Variants in PGPEP1 observed in about 807,000 individuals in gnomAD.
PGPEP1 encodes the protein pyroglutamyl-peptidase 1.
In PGPEP1, 15 loss-of-function variants were observed where a neutral mutation model predicts 24.1. The observed-to-expected ratio is 0.62, with a 90% CI of 0.42 to 0.96. The LOEUF (loss-of-function observed/expected upper bound fraction) is 0.96, where lower values mean the gene tolerates loss of function less well. PGPEP1 is among the 40% of genes least tolerant of loss of function. The pLI, the probability that PGPEP1 is intolerant of heterozygous loss-of-function variation, is 0.00. For missense variants in PGPEP1, 242 were observed against 273.4 expected, an observed-to-expected ratio of 0.89 and a Z score of 0.81; for synonymous variants, 122 against 116.4, an observed-to-expected ratio of 1.05 and a Z score of -0.31.
At chr19:18,356,539 G>C (rs1032200845) in intron 3 of PGPEP1, among the ~76,000 whole-genome samples, 1 of 152,042 alleles carries the variant, frequency 6.6e-6, no homozygotes, top group African/African-American at 2.4e-5. Context: ...TTGAGTCTAG[G>C]AGTTTGAGAC....
intron 4 of PGPEP1, among the ~76,000 whole-genome samples, chr19:18,358,322 G>A (rs1041111321): frequency 5.7e-5 from 8 of 140,520 alleles, no homozygotes; most frequent in South Asian, 4.5e-4. Context: ...GTGCAATGGC[G>A]TGATCTCAGC....
At chr19:18,344,737 C>CT (rs1970784830) in intron 2 of PGPEP1, among the ~76,000 whole-genome samples, 1 of 152,148 alleles carries the variant, frequency 6.6e-6, no homozygotes. Flanking sequence ...TTTCTGAAGA[C>CT]TTGTGTGTCA....
At position 18,365,195 on chromosome 19, in the gene PGPEP1, G is replaced by T. The variant is rs1485566222; in HGVS notation, c.*1612G>T. 2 of 152,146 alleles carry T rather than the reference G, an allele frequency of 1.3e-5. No individual in the cohort carries two copies. Among genetic ancestry groups the T allele is most frequent in the Non-Finnish European group, 2.9e-5 (2 of 68,044 alleles). 9.4% of individuals were successfully genotyped at this position (152,146 alleles called of 1,614,324 possible). ...ATCTTGCTGCCCATTAGGGAGAGAG[G>T]ACGACCCCCACAGTGAAAGTAATTG... On this transcript the variant is annotated 3_prime_UTR_variant, in exon 5 of 5. Coordinates refer to ENST00000269919, the MANE Select transcript of PGPEP1 (RefSeq NM_017712.4).
chr19:18,364,336 A>G lies in PGPEP1; in HGVS notation c.*753A>G, dbSNP rs10854165. On this transcript the variant is annotated 3_prime_UTR_variant, in exon 5 of 5. Transcript: ENST00000269919. ...GGACTTAAGATGCCATGTCTTGGCC[A>G]GGCGCAGTGGCTCATGCCTGTAATC... The G allele has an allele frequency of 0.88, 133,383 of 151,768 alleles. 58,753 individuals are homozygous for G. The highest frequency in any genetic ancestry group is 0.95 in the East Asian group (4,871 of 5,146). 9.4% of individuals were successfully genotyped at this position (151,768 alleles called of 1,614,324 possible).
At chr19:18,342,193 G>A (rs1476122102) in intron 1 of PGPEP1, among the ~76,000 whole-genome samples, 1 of 152,174 alleles carries the variant, frequency 6.6e-6, no homozygotes, top group Admixed American at 6.6e-5. Context: ...ACAGGCATGA[G>A]CCACCGCACC....
In PGPEP1 at chr19:18,369,464, G is replaced by A. The variant is rs552880744; in HGVS notation, c.*5881G>A. On this transcript the variant is annotated 3_prime_UTR_variant, in exon 5 of 5. Coordinates refer to ENST00000269919, the MANE Select transcript of PGPEP1 (RefSeq NM_017712.4). ...CTGGCCCAAGCCATTCAGAGGTGGG[G>A]TCTGGGGCCTGGGGGTTTTGTGTCG... 2 of 152,686 alleles carry A rather than the reference G, an allele frequency of 1.3e-5. No homozygotes were observed. Among genetic ancestry groups the A allele is most frequent in the Admixed American group, 6.5e-5 (1 of 15,302 alleles). 9.5% of individuals were successfully genotyped at this position (152,686 alleles called of 1,614,324 possible). A position where few individuals can be genotyped will look rare whatever the true frequency, so the allele number is the denominator to read the frequency against.
chr19:18,359,602 C>G (rs1971285265), intron 4 of PGPEP1, among the ~76,000 whole-genome samples: 1 of 151,484 alleles, frequency 6.6e-6, no homozygotes. Context: ...CCGCCTCTGA[C>G]GTTCAAGTGA....
At chr19:18,351,341 C>T (rs1167492639) in intron 2 of PGPEP1, among the ~76,000 whole-genome samples, 1 of 151,552 alleles carries the variant, frequency 6.6e-6, no homozygotes, top group Non-Finnish European at 1.5e-5. Context: ...AGGATAAAAT[C>T]AGGCCAGGCA....
chr19:18,345,294 G>A lies in PGPEP1; in HGVS notation c.87+2383G>A, dbSNP rs1970798703. ...TGGGATTACAGGCGTGAGTCACTGCGCCCAGCCCCACTTTTCACTTTCTTC... is the reference window on the plus strand; with the variant it reads ...TGGGATTACAGGCGTGAGTCACTGCACCCAGCCCCACTTTTCACTTTCTTC... On this transcript the variant is annotated intron_variant, in intron 2 of 4. Transcript: ENST00000269919. 2.0e-5 allele frequency among the ~76,000 whole-genome samples: 3 copies of A among 152,066 alleles called. 1 individual carries two copies. Among genetic ancestry groups the A allele is most frequent in the Non-Finnish European group, 4.4e-5 (3 of 67,990 alleles).
chr19:18,344,611 C>A (rs1242746740), intron 2 of PGPEP1, among the ~76,000 whole-genome samples: 2 of 146,176 alleles, frequency 1.4e-5, no homozygotes, highest in Admixed American at 7.0e-5. Flanking sequence ...TTCTTTCCTG[C>A]CCACTTCGTG....
rs1431319347 is a variant in PGPEP1 at position 18,365,487 on chromosome 19, C to G, written c.*1904C>G. The G allele has an allele frequency of 2.0e-5, 3 of 152,232 alleles. No individual in the cohort carries two copies. Among genetic ancestry groups the G allele is most frequent in the African/African-American group, 7.2e-5 (3 of 41,408 alleles). 9.4% of individuals were successfully genotyped at this position (152,232 alleles called of 1,614,324 possible). A position where few individuals can be genotyped will look rare whatever the true frequency, so the allele number is the denominator to read the frequency against. ...CCTCCTGAGTAGCTGGGACTACAGG[C>G]ATGCACCACCACACCTGGCTAATTT... On this transcript the variant is annotated 3_prime_UTR_variant, in exon 5 of 5. Coordinates refer to ENST00000269919, the MANE Select transcript of PGPEP1 (RefSeq NM_017712.4).
intron 4 of PGPEP1, among the ~76,000 whole-genome samples, chr19:18,358,238 C>G (rs539410447): frequency 6.7e-6 from 1 of 148,962 alleles, no homozygotes; most frequent in East Asian, 2.0e-4. Context: ...TAGGACTCAT[C>G]CTAATCCAGT....
intron 2 of PGPEP1, among the ~76,000 whole-genome samples, chr19:18,353,917 T>C (rs936093227): frequency 1.3e-5 from 2 of 152,202 alleles, no homozygotes; most frequent in African/African-American, 2.4e-5. Context: ...TTCTACCTTT[T>C]GGCTTTTGTG....
At chr19:18,354,186 G>T (rs567030418) in intron 2 of PGPEP1, among the ~76,000 whole-genome samples, 1 of 152,168 alleles carries the variant, frequency 6.6e-6, no homozygotes, top group Non-Finnish European at 1.5e-5. Context: ...AGTGAACCGA[G>T]ATCATAGCAC....
chr19:18,340,616 T>A lies in PGPEP1; in HGVS notation c.-66T>A, dbSNP rs903049479. On this transcript the variant is annotated 5_prime_UTR_variant, in exon 1 of 5. Coordinates refer to ENST00000269919, the MANE Select transcript of PGPEP1 (RefSeq NM_017712.4). The stretch of plus-strand genomic sequence containing the variant: ...GCGTGGCCTCGCGCGGCCGAGAGGC[T>A]GCAGCGGCAGCAGCTGTCGCGCCAG... The A allele has an allele frequency of 1.4e-6, 2 of 1,451,256 alleles. No homozygotes were observed. Among genetic ancestry groups the A allele is most frequent in the African/African-American group, 2.9e-5 (2 of 67,932 alleles). The allele number at this position is 1,451,256 out of a possible 1,614,324, so 89.9% of individuals were successfully genotyped here. A position where few individuals can be genotyped will look rare whatever the true frequency, so the allele number is the denominator to read the frequency against.
chr19:18,367,297 G>C lies in PGPEP1; in HGVS notation c.*3714G>C, dbSNP rs139238942. ...AGGTGGGTGGGACTTGGCAGGTGTT[G>C]GGAAGAGGAATAGGGGTGGCAAGTG... On this transcript the variant is annotated 3_prime_UTR_variant, in exon 5 of 5. Transcript: ENST00000269919. The C allele has an allele frequency of 6.6e-6, 1 of 151,998 alleles. No homozygotes were observed. The highest frequency in any genetic ancestry group is 1.9e-4 in the East Asian group (1 of 5,146). The allele number at this position is 151,998 out of a possible 1,614,324, so 9.4% of individuals were successfully genotyped here. A position where few individuals can be genotyped will look rare whatever the true frequency, so the allele number is the denominator to read the frequency against.
In PGPEP1 at chr19:18,364,783, A is replaced by C. The variant is rs1971482020; in HGVS notation, c.*1200A>C. ...CAAGCTATGAGCTGTCGCCATGGAGACCAGGGCCACCTGTGGAAAGGCGGA... is the reference window on the plus strand; with the variant it reads ...CAAGCTATGAGCTGTCGCCATGGAGCCCAGGGCCACCTGTGGAAAGGCGGA... On this transcript the variant is annotated 3_prime_UTR_variant, in exon 5 of 5. Coordinates refer to ENST00000269919, the MANE Select transcript of PGPEP1 (RefSeq NM_017712.4). 6.6e-6 allele frequency: 1 copy of C among 151,982 alleles called. No individual in the cohort carries two copies. The highest frequency in any genetic ancestry group is 1.5e-5 in the Non-Finnish European group (1 of 68,004). 9.4% of individuals were successfully genotyped at this position (151,982 alleles called of 1,614,324 possible).
In PGPEP1 at chr19:18,369,611, G is replaced by A. The variant is rs1210835478; in HGVS notation, c.*6028G>A. ...AGCCTCCCCTGAGCCTTTGGAAGCCGAGTTCACTCTCTGCCTGCCCAGGGG... is the reference window on the plus strand; with the variant it reads ...AGCCTCCCCTGAGCCTTTGGAAGCCAAGTTCACTCTCTGCCTGCCCAGGGG... On this transcript the variant is annotated 3_prime_UTR_variant, in exon 5 of 5. Coordinates refer to ENST00000269919, the MANE Select transcript of PGPEP1 (RefSeq NM_017712.4). 6.6e-6 allele frequency: 1 copy of A among 152,248 alleles called. No homozygotes were observed. The highest frequency in any genetic ancestry group is 6.5e-5 in the Admixed American group (1 of 15,270). The allele number at this position is 152,248 out of a possible 1,614,324, so 9.4% of individuals were successfully genotyped here.
chr19:18,361,140 T>C (rs1435964882), intron 4 of PGPEP1, among the ~76,000 whole-genome samples: 1 of 151,146 alleles, frequency 6.6e-6, no homozygotes, highest in Admixed American at 6.6e-5. Context: ...CTCAATTTTC[T>C]TTCTTTTTTT....
Sources: gnomAD v4.1 joint callset for allele counts (sites outside exome capture counted in the v4.1 genomes callset) on GRCh38, gnomAD v4.1.1 for gene constraint, MANE v1.5 for transcripts, NCBI Gene and HGNC (gene_info 2026-07-23, HGNC 2026-07-21) for gene names.